Variants in SPAG17 observed in about 807,000 individuals in gnomAD.
The protein encoded by SPAG17 is sperm-associated antigen 17.
Under a neutral mutation model 273.6 loss-of-function variants are expected in SPAG17, and 169 were observed. The observed-to-expected ratio is 0.62, with a 90% confidence interval of 0.55 to 0.70. The LOEUF (loss-of-function observed/expected upper bound fraction) is 0.70. Among genes scored for constraint, SPAG17 ranks in the 30% least tolerant of loss-of-function variants. SPAG17 has a pLI of 0.00. For synonymous variants in SPAG17, 825 were observed against 873.2 expected (o/e 0.94, Z 0.97); for missense variants, 2,557 against 2,627.8 (o/e 0.97, Z 0.59).
intron 48 of SPAG17, chr1:117,962,596 G>A (rs1653256852): frequency 6.6e-6 from 1 of 150,582 alleles, no homozygotes; most frequent in Non-Finnish European, 1.5e-5. Flanking sequence ...AAAACATTTA[G>A]GCTTATTTTT....
At chr1:117,998,157 T>C (rs1207714541) in intron 32 of SPAG17, among the ~76,000 whole-genome samples, 3 of 152,188 alleles carry the variant, frequency 2.0e-5, no homozygotes, top group Non-Finnish European at 2.9e-5. Flanking sequence ...TGGTATTTTC[T>C]GGGTTTTCTT....
chr1:117,966,898 A>T, intron 46 of SPAG17, 145 bp from the exon 47 acceptor site: 1 of 610,826 alleles, frequency 1.6e-6, no homozygotes, highest in Non-Finnish European at 2.7e-6. Context: ...GGTAGTTATT[A>T]TAAGCATTTA....
rs574851686 is a variant in SPAG17, at chr1:118,004,914, C to A, written c.4776+500G>T. Among the ~76,000 whole-genome samples the A allele has an allele frequency of 1.2e-4, 18 of 152,312 alleles. No individual in the cohort carries two copies. The South Asian group carries it at 3.7e-3, about 32-fold the overall frequency. On this transcript the variant is annotated intron_variant, in intron 32 of 48. Coordinates refer to ENST00000336338, the MANE Select transcript of SPAG17 (RefSeq NM_206996.4). ...TCTGTGTCGATCACACTGGGAGCTG[C>A]AGATTGGAGCTGTTCCTATTCAGCC...
In SPAG17 at chr1:118,003,439, C is replaced by T. The variant is rs562572641; in HGVS notation, c.4776+1975G>A. On this transcript the variant is annotated intron_variant, in intron 32 of 48. Transcript: ENST00000336338. ...TGTTTCCCAACTTGGTTCCATTCTC[C>T]CCATCACTTTCAGGTCCATCAGTCA... Among the ~76,000 whole-genome samples, 80 of 152,308 alleles carry T rather than the reference C, an allele frequency of 5.3e-4. 1 individual carries two copies. The highest frequency in any genetic ancestry group is 1.1e-3 in the Non-Finnish European group (77 of 68,032).
chr1:117,970,163 A>G (rs770412827), intron 45 of SPAG17, 47 bp from the exon 46 acceptor site: 2 of 1,557,512 alleles, frequency 1.3e-6, no homozygotes, highest in Admixed American at 3.5e-5. Flanking sequence ...AATGAAACCC[A>G]TGAGCAATGA....
At chr1:118,164,418 CT>C (rs1660067115) in intron 1 of SPAG17, among the ~76,000 whole-genome samples, 1 of 146,106 alleles carries the variant, frequency 6.8e-6, no homozygotes, top group South Asian at 2.2e-4. Flanking sequence ...GTCAGTCAGT[CT>C]GAAGTTGGCC....
Position 118,019,593 on chromosome 1 carries a change from C to T in SPAG17, c.4070-3411G>A, listed in dbSNP as rs375740417. 7.4e-4 allele frequency among the ~76,000 whole-genome samples: 112 copies of T among 152,148 alleles called. 2 individuals carry two copies. The Middle Eastern group carries it at 0.01, about 14-fold the overall frequency. On this transcript the variant is annotated intron_variant, in intron 28 of 48. Transcript: ENST00000336338. ...ATAATTATTGAGAAATCTCTAGAAT[C>T]AATGAAAAACACAAATTTACAGATT...
intron 43 of SPAG17, among the ~76,000 whole-genome samples, chr1:117,976,410 T>C (rs1655139620): frequency 1.3e-5 from 2 of 152,224 alleles, no homozygotes; most frequent in South Asian, 4.1e-4. Context: ...CAATTATTTA[T>C]TTCCCCATTG....
intron 3 of SPAG17, among the ~76,000 whole-genome samples, chr1:118,128,077 G>A (rs1391782991): frequency 6.6e-6 from 1 of 151,222 alleles, no homozygotes; most frequent in African/African-American, 2.4e-5. Flanking sequence ...GGCCAAGACC[G>A]CACCGCTGCA....
Position 117,963,906 on chromosome 1 carries a change from G to A in SPAG17, c.6565C>T (p.Pro2189Ser). 3.7e-6 allele frequency: 6 copies of A among 1,613,824 alleles called. No individual in the cohort carries two copies. The highest frequency in any genetic ancestry group is 5.1e-6 in the Non-Finnish European group (6 of 1,179,836). The change falls in exon 48 of 49, where the codon CCA becomes TCA. Residue 2189 changes from proline (P) to serine (S), a missense_variant. Pro to Ser is a moderately conservative substitution (Grantham distance 74, BLOSUM62 -1). Transcript: ENST00000336338. ...VLTSSNYDKRPKDFPQGKENP... is the reference protein window; with the variant it reads ...VLTSSNYDKRSKDFPQGKENP... ...TCTTTTCCCTGGGGAAAGTCTTTTG[G>A]TCGTTTATCATAATTGCTGCTTGTT...
At chr1:118,082,029 A>T (rs373311297) in intron 13 of SPAG17, among the ~76,000 whole-genome samples, 1 of 152,140 alleles carries the variant, frequency 6.6e-6, no homozygotes, top group East Asian at 1.9e-4. Context: ...GAAATTATTT[A>T]CTTATGCCTA....
At chr1:118,080,783 T>C (rs1331947267) in intron 15 of SPAG17, among the ~76,000 whole-genome samples, 2 of 152,204 alleles carry the variant, frequency 1.3e-5, no homozygotes, top group Non-Finnish European at 2.9e-5. Context: ...GGACATTTCA[T>C]TCTGTTTTGC....
chr1:118,015,934 A>C (rs748331430), intron 29 of SPAG17, 31 bp downstream of exon 29: 1 of 1,600,808 alleles, frequency 6.2e-7, no homozygotes, highest in Non-Finnish European at 8.6e-7. Context: ...ATGACTTAGA[A>C]AATTTTGCAA....
chr1:117,957,769 G>T (rs1652434124), intron 48 of SPAG17, among the ~76,000 whole-genome samples: 1 of 152,140 alleles, frequency 6.6e-6, no homozygotes, highest in South Asian at 2.1e-4. Flanking sequence ...TTCCAGTGTG[G>T]CCCAGGGGAG....
chr1:117,963,803 T>C lies in SPAG17; in HGVS notation c.6668A>G (p.His2223Arg). The C allele has an allele frequency of 6.2e-7, 1 of 1,611,668 alleles. No homozygotes were observed. ...CCCATTTATTACTTACTGTACCTAA[T>C]GTGGAGAAACTTTACGAGACATGAA... ...GVFMSRKVSP[H>R] Residue 2223 changes from histidine to arginine, a missense_variant, in exon 48 of 49, where the codon CAT (histidine) becomes CGT (arginine). By Grantham distance (29) the His-to-Arg change is conservative. Coordinates refer to ENST00000336338, the MANE Select transcript of SPAG17 (RefSeq NM_206996.4).
rs1660554980 is a variant in SPAG17, at chr1:118,173,928, G to A, written c.87+11143C>T. Among the ~76,000 whole-genome samples, 5 of 151,616 alleles carry A rather than the reference G, an allele frequency of 3.3e-5. No individual in the cohort carries two copies. The South Asian group carries it at 1.0e-3, about 32-fold the overall frequency. The stretch of plus-strand genomic sequence containing the variant: ...GCATGCATGCCCAGAAAAGACCTGG[G>A]AAGATTTTAAGCCTTTATCCTGGGC... On this transcript the variant is annotated intron_variant, in intron 1 of 48. Transcript: ENST00000336338.
At chr1:118,078,126 A>T (rs2102130596) in intron 15 of SPAG17, among the ~76,000 whole-genome samples, 1 of 151,982 alleles carries the variant, frequency 6.6e-6, no homozygotes, top group South Asian at 2.1e-4. Flanking sequence ...TCTTCCATTC[A>T]CTCCAATTGC....
intron 43 of SPAG17, among the ~76,000 whole-genome samples, chr1:117,980,026 G>A (rs1483146200): frequency 1.3e-5 from 2 of 151,982 alleles, no homozygotes; most frequent in Non-Finnish European, 2.9e-5. Flanking sequence ...CCATAATATG[G>A]GAGGGGTCTA....
chr1:118,147,568 G>T (rs949980559), intron 3 of SPAG17, among the ~76,000 whole-genome samples: 2 of 152,208 alleles, frequency 1.3e-5, no homozygotes, highest in African/African-American at 4.8e-5. Context: ...GAACAAATGA[G>T]CTGCAGCTAC....
Sources: gnomAD v4.1 joint callset for allele counts (sites outside exome capture counted in the v4.1 genomes callset) on GRCh38, gnomAD v4.1.1 for gene constraint, MANE v1.5 for transcripts, NCBI Gene and HGNC (gene_info 2026-07-23, HGNC 2026-07-21) for gene names.